PIGU: variants seen among roughly 807,000 people sequenced by gnomAD.
PIGU encodes the protein GPI-anchor transamidase component PIGU.
Under a neutral mutation model 49.9 loss-of-function variants are expected in PIGU, and 24 were observed. The observed-to-expected ratio is 0.48, with a 90% CI of 0.35 to 0.68. The LOEUF (loss-of-function observed/expected upper bound fraction) is 0.68, where lower values mean the gene tolerates loss of function less well. PIGU is among the 30% of genes least tolerant of loss of function. PIGU has a pLI of 0.01. For missense variants in PIGU, 490 were observed against 532.6 expected, an observed-to-expected ratio of 0.92 and a Z score of 0.79; for synonymous variants, 220 against 205.7, an observed-to-expected ratio of 1.07 and a Z score of -0.59.
At chr20:34,663,313 T>TAA (rs1459219052) in intron 1 of PIGU, among the ~76,000 whole-genome samples, 3 of 151,856 alleles carry the variant, frequency 2.0e-5, no homozygotes, top group Admixed American at 1.3e-4. Flanking sequence ...CCTGTCTCTA[T>TAA]AAAAAAACAA....
rs777234364 is a variant in PIGU at position 34,562,485 on chromosome 20, A to T, written c.1195-1506T>A. 4 of 1,289,206 alleles carry T rather than the reference A, an allele frequency of 3.1e-6. No homozygotes were observed. In the East Asian group the frequency reaches 2.2e-4, roughly 71 times the overall value. 79.9% of individuals were successfully genotyped at this position (1,289,206 alleles called of 1,614,324 possible). On this transcript the variant is annotated intron_variant, in intron 11 of 11. Coordinates refer to ENST00000217446, the MANE Select transcript of PIGU (RefSeq NM_080476.5). ...AGGAGAGATCAGAGGCGCCTGGAGG[A>T]GTTCAGGAAGGTGTCCTGTCACCAG...
chr20:34,659,125 G>A (rs1986827758), intron 1 of PIGU, among the ~76,000 whole-genome samples: 1 of 136,888 alleles, frequency 7.3e-6, no homozygotes, highest in Non-Finnish European at 1.6e-5. Context: ...GGAGGTGAGG[G>A]GCGCCTCTGC....
intron 11 of PIGU, among the ~76,000 whole-genome samples, chr20:34,566,123 C>T (rs1170167619): frequency 6.6e-6 from 1 of 152,196 alleles, no homozygotes; most frequent in Non-Finnish European, 1.5e-5. Flanking sequence ...CTTGCCTGCT[C>T]AGAAGTTCCC....
chr20:34,586,438 C>T (rs1216630691), intron 8 of PIGU, among the ~76,000 whole-genome samples: 3 of 152,142 alleles, frequency 2.0e-5, no homozygotes, highest in Non-Finnish European at 4.4e-5. Flanking sequence ...CTTCACCTGG[C>T]ACCGCAACTC....
intron 4 of PIGU, among the ~76,000 whole-genome samples, chr20:34,643,347 A>G (rs1210167484): frequency 6.6e-6 from 1 of 152,252 alleles, no homozygotes; most frequent in Non-Finnish European, 1.5e-5. Context: ...TCTGGGGTCT[A>G]AAATTCTAGA....
chr20:34,576,370 CAA>C (rs1229438937), intron 10 of PIGU, among the ~76,000 whole-genome samples: 1 of 152,172 alleles, frequency 6.6e-6, no homozygotes, highest in African/African-American at 2.4e-5. Flanking sequence ...CAAATTCCCA[CAA>C]ACTTAGTGAT....
Position 34,657,210 on chromosome 20 carries a change from T to C in PIGU, c.165A>G (p.Val55=), listed in dbSNP as rs1986730644. The C allele has an allele frequency of 3.7e-6, 6 of 1,612,846 alleles. No homozygotes were observed. The highest frequency in any genetic ancestry group is 1.6e-4 in the Middle Eastern group (1 of 6,080). The change falls in exon 2 of 12, where the codon GTA becomes GTG. Residue 55 remains valine, a synonymous_variant. Transcript: ENST00000217446. ...GAAATACTGCTCCAGAATACGGAGA[T>C]ACTCCCAAGTCCAACAGTGAAAGGC... ...VEGLSLLDLG[V]SPYSGAVFHE...
intron 1 of PIGU, among the ~76,000 whole-genome samples, chr20:34,659,201 G>A (rs1600667726): frequency 1.0e-4 from 15 of 143,538 alleles, no homozygotes; most frequent in East Asian, 4.4e-4. Context: ...CAGGAGGGAG[G>A]TGGGGGGGTC....
At chr20:34,634,259 A>G (rs1003271106) in intron 6 of PIGU, among the ~76,000 whole-genome samples, 1 of 151,942 alleles carries the variant, frequency 6.6e-6, no homozygotes, top group Non-Finnish European at 1.5e-5. Context: ...TTTTGCAGAG[A>G]CAAGCTCTTG....
In PIGU at chr20:34,632,356, A is replaced by G. The variant is rs141049695; in HGVS notation, c.529+2259T>C. The stretch of plus-strand genomic sequence containing the variant: ...TTTTAGACATGGAATAACTCAAAAT[A>G]TATATCTCATATACCCTTTTTTTTT... On this transcript the variant is annotated intron_variant, in intron 6 of 11. Transcript: ENST00000217446. 4.7e-4 allele frequency among the ~76,000 whole-genome samples: 71 copies of G among 151,682 alleles called. No homozygotes were observed. The East Asian group carries it at 0.011, about 24-fold the overall frequency.
chr20:34,657,285 C>T lies in PIGU; in HGVS notation c.131-41G>A, dbSNP rs781020039. ...TACAAGTTCACTCAGACTAAGCAGG[C>T]AGCTACAGACCAAATTGTTAGATAC... is the stretch of plus-strand genomic sequence containing the variant. On this transcript the variant is annotated intron_variant, in intron 1 of 11. Coordinates refer to ENST00000217446, the MANE Select transcript of PIGU (RefSeq NM_080476.5). 4.1e-5 allele frequency: 61 copies of T among 1,485,370 alleles called. No homozygotes were observed. In the Admixed American group the frequency reaches 4.4e-4, roughly 11 times the overall value. The allele number at this position is 1,485,370 out of a possible 1,614,324, so 92.0% of individuals were successfully genotyped here.
intron 7 of PIGU, among the ~76,000 whole-genome samples, chr20:34,608,825 C>T (rs1169538190): frequency 1.3e-5 from 2 of 152,192 alleles, no homozygotes; most frequent in African/African-American, 4.8e-5. Flanking sequence ...TCACAGGGAA[C>T]TGACCTCACT....
At chr20:34,620,606 T>G (rs932988490) in intron 6 of PIGU, among the ~76,000 whole-genome samples, 2 of 151,492 alleles carry the variant, frequency 1.3e-5, no homozygotes, top group Non-Finnish European at 2.9e-5. Flanking sequence ...GGTCGGGAGA[T>G]CGAGACCATC....
chr20:34,622,564 A>T (rs1407360415), intron 6 of PIGU, among the ~76,000 whole-genome samples: 7 of 152,148 alleles, frequency 4.6e-5, no homozygotes, highest in Non-Finnish European at 1.0e-4. Context: ...AAGTCTCAGC[A>T]AGCAGGTAGG....
chr20:34,577,454 G>A (rs1983282470), intron 10 of PIGU, among the ~76,000 whole-genome samples: 1 of 152,210 alleles, frequency 6.6e-6, no homozygotes, highest in Non-Finnish European at 1.5e-5. Flanking sequence ...GGTGGCTCAC[G>A]CCTGTAATCC....
chr20:34,658,299 G>A (rs1036659220), intron 1 of PIGU, among the ~76,000 whole-genome samples: 9 of 152,154 alleles, frequency 5.9e-5, no homozygotes, highest in African/African-American at 9.6e-5. Flanking sequence ...TCAGTGCTCA[G>A]TGGTGCCCAG....
At chr20:34,671,324 C>T (rs1242473903) in intron 1 of PIGU, among the ~76,000 whole-genome samples, 6 of 151,944 alleles carry the variant, frequency 3.9e-5, no homozygotes, top group Admixed American at 1.3e-4. Context: ...TGCAATGGCG[C>T]GATCTCGGCT....
intron 11 of PIGU, chr20:34,562,700 C>T: frequency 1.7e-6 from 1 of 583,830 alleles, no homozygotes; most frequent in Non-Finnish European, 2.8e-6. Flanking sequence ...GCCTGGGGCC[C>T]AGATCACTGA....
intron 5 of PIGU, among the ~76,000 whole-genome samples, chr20:34,634,984 T>G (rs1015605131): frequency 6.6e-6 from 1 of 152,190 alleles, no homozygotes; most frequent in Non-Finnish European, 1.5e-5. Context: ...CACAATAACA[T>G]CATTCCAGTT....
Sources: allele counts gnomAD v4.1 joint callset (sites outside exome capture counted in the v4.1 genomes callset), GRCh38; gene constraint gnomAD v4.1.1; transcripts MANE v1.5; gene names NCBI Gene and HGNC (gene_info 2026-07-23, HGNC 2026-07-21).